Variants in RNF125 observed in about 807,000 individuals in gnomAD.
RNF125 encodes the protein ring finger protein 125, also known as E3 ubiquitin-protein ligase RNF125.
Under a neutral mutation model 26.0 loss-of-function variants are expected in RNF125, and 21 were observed. The observed-to-expected ratio is 0.81, with a 90% CI of 0.57 to 1.16. The LOEUF is 1.16. Among genes scored for constraint, RNF125 ranks in the 50% most tolerant of loss-of-function variants. The pLI, the probability that RNF125 is intolerant of heterozygous loss-of-function variation, is 0.00. For synonymous variants in RNF125, 95 were observed against 109.2 expected (o/e 0.87, Z 0.81); for missense variants, 270 against 299.4 (o/e 0.90, Z 0.72).
intron 1 of RNF125, among the ~76,000 whole-genome samples, 200 bp from the exon 2 acceptor site, chr18:32,036,916 G>T (rs1330816465): frequency 6.6e-6 from 1 of 152,074 alleles, no homozygotes; most frequent in Non-Finnish European, 1.5e-5. Flanking sequence ...CATGTGGTAA[G>T]AATGTGTGAT....
intron 3 of RNF125, among the ~76,000 whole-genome samples, chr18:32,043,739 A>T (rs1470915272): frequency 1.3e-5 from 2 of 152,330 alleles, no homozygotes; most frequent in East Asian, 3.9e-4. Flanking sequence ...AATTAAAATA[A>T]TAGAAAATGG....
the RNF125 span, among the ~76,000 whole-genome samples, chr18:32,088,533 C>T: frequency 1.2e-4 from 18 of 151,970 alleles, no homozygotes; most frequent in African/African-American, 4.1e-4. Context: ...GACAGAGTCC[C>T]GCTCTGTCAC....
chr18:32,030,155 T>C (rs1402288631), intron 1 of RNF125, among the ~76,000 whole-genome samples: 1 of 152,224 alleles, frequency 6.6e-6, no homozygotes, highest in Non-Finnish European at 1.5e-5. Context: ...GCGATTCTCC[T>C]GCCTCAGCCT....
intron 4 of RNF125, among the ~76,000 whole-genome samples, chr18:32,059,757 G>T (rs1457148284): frequency 6.6e-6 from 1 of 151,982 alleles, no homozygotes; most frequent in Non-Finnish European, 1.5e-5. Context: ...TGAGGTCTTA[G>T]ATTCAAGTTT....
At chr18:32,055,548 G>C (rs781217901) in intron 4 of RNF125, among the ~76,000 whole-genome samples, 27 of 152,106 alleles carry the variant, frequency 1.8e-4, no homozygotes, top group Non-Finnish European at 2.9e-4. Context: ...AACGCGGGAG[G>C]AACTACCACA....
chr18:32,087,035 C>A, the RNF125 span, among the ~76,000 whole-genome samples: 1 of 152,126 alleles, frequency 6.6e-6, no homozygotes, highest in Non-Finnish European at 1.5e-5. Context: ...AACTGAGTCA[C>A]ATACACACTC....
chr18:32,036,333 G>A (rs1324886918), intron 1 of RNF125, among the ~76,000 whole-genome samples: 1 of 151,558 alleles, frequency 6.6e-6, no homozygotes, highest in Non-Finnish European at 1.5e-5. Context: ...CCTACCTTTG[G>A]ACATGTATTA....
In RNF125 at chr18:32,069,783, CCTT is replaced by C. The variant is rs1164667588; in HGVS notation, c.*1403_*1405del. The stretch of plus-strand genomic sequence containing the variant: ...TCTCTTTTTTAATCTAGAAGTTCCT[CCTT>C]CTTTCCAGTTCCTTAAAATTTACCT... On this transcript the variant is annotated 3_prime_UTR_variant, in exon 6 of 6. Transcript: ENST00000217740. The C allele has an allele frequency of 8.5e-5, 13 of 152,164 alleles. No individual in the cohort carries two copies. Among genetic ancestry groups the C allele is most frequent in the African/African-American group, 2.2e-4 (9 of 41,434 alleles). 9.4% of individuals were successfully genotyped at this position (152,164 alleles called of 1,614,324 possible).
At chr18:32,062,104 T>G (rs920621057) in intron 4 of RNF125, among the ~76,000 whole-genome samples, 1 of 152,224 alleles carries the variant, frequency 6.6e-6, no homozygotes. Flanking sequence ...CTGTAAATAT[T>G]ACAGCTACTC....
At chr18:32,022,150 T>G (rs2038992231) in intron 1 of RNF125, among the ~76,000 whole-genome samples, 1 of 152,264 alleles carries the variant, frequency 6.6e-6, no homozygotes, top group Non-Finnish European at 1.5e-5. Flanking sequence ...CTGTATTTTA[T>G]TATCCCATAT....
chr18:32,050,491 A>G (rs1436723630), intron 4 of RNF125, among the ~76,000 whole-genome samples: 1 of 151,898 alleles, frequency 6.6e-6, no homozygotes, highest in African/African-American at 2.4e-5. Context: ...ATAATTCTTT[A>G]ATTATTATTT....
intron 1 of RNF125, among the ~76,000 whole-genome samples, chr18:32,022,664 T>C (rs1319139286): frequency 6.6e-6 from 1 of 152,192 alleles, no homozygotes; most frequent in Non-Finnish European, 1.5e-5. Flanking sequence ...TGAAACTTCA[T>C]AGATAGCAGC....
At chr18:32,042,644 G>A (rs952024831) in intron 3 of RNF125, among the ~76,000 whole-genome samples, 3 of 151,890 alleles carry the variant, frequency 2.0e-5, no homozygotes, top group African/African-American at 7.3e-5. Context: ...TGTCACCACT[G>A]CTCATTTCAC....
chr18:32,030,859 T>TTATTATTA (rs1299576469), intron 1 of RNF125, among the ~76,000 whole-genome samples: 2 of 152,118 alleles, frequency 1.3e-5, no homozygotes, highest in African/African-American at 4.8e-5. Flanking sequence ...GAGAGCTCGC[T>TTATTATTA]TATTATTTTA....
Position 32,041,620 on chromosome 18 carries a change from C to CTTTTTTTTTTTTTTTTTTTTTTTTTTTT in RNF125, c.319-558_319-531dup, listed in dbSNP as rs60264747. Among the ~76,000 whole-genome samples the CTTTTTTTTTTTTTTTTTTTTTTTTTTTT allele has an allele frequency of 2.1e-5, 2 of 93,280 alleles. 1 individual carries two copies. 61.2% of individuals were successfully genotyped at this position (93,280 alleles called of 152,430 possible). Reference sequence around the variant, plus strand: ...CTATCTACTTTAAAAAATGTAGATGCTTTTTTTTTTTTTTTTTTTTTTTTT... The same window carrying CTTTTTTTTTTTTTTTTTTTTTTTTTTTT: ...CTATCTACTTTAAAAAATGTAGATGCTTTTTTTTTTTTTTTTTTTTTTTTTTTTTTTTTTTTTTTTTTTTTTTTTTTTT... On this transcript the variant is annotated intron_variant, in intron 2 of 5. Coordinates refer to ENST00000217740, the MANE Select transcript of RNF125 (RefSeq NM_017831.4).
At chr18:32,063,994 T>C (rs1220644650) in intron 4 of RNF125, among the ~76,000 whole-genome samples, 1 of 148,958 alleles carries the variant, frequency 6.7e-6, no homozygotes, top group Non-Finnish European at 1.5e-5. Flanking sequence ...ATCCATCAAG[T>C]CCTTTTTTTT....
chr18:32,054,626 A>G (rs946298611), intron 4 of RNF125, among the ~76,000 whole-genome samples: 1 of 152,234 alleles, frequency 6.6e-6, no homozygotes, highest in Non-Finnish European at 1.5e-5. Flanking sequence ...CTGTGTATCA[A>G]CTATTCTTCT....
rs528744685 is a variant in RNF125 at position 32,069,426 on chromosome 18, C to T, written c.*1042C>T. The T allele has an allele frequency of 2.4e-4, 36 of 152,138 alleles. No homozygotes were observed. Among genetic ancestry groups the T allele is most frequent in the African/African-American group, 8.4e-4 (35 of 41,520 alleles). 9.4% of individuals were successfully genotyped at this position (152,138 alleles called of 1,614,324 possible). A position where few individuals can be genotyped will look rare whatever the true frequency, so the allele number is the denominator to read the frequency against. On this transcript the variant is annotated 3_prime_UTR_variant, in exon 6 of 6. Transcript: ENST00000217740. Reference sequence around the variant, plus strand: ...ATACTTACAGTATAAGTATTCACATCCAGACTTTTTAGTAGAAAACCCTAA... The same window carrying T: ...ATACTTACAGTATAAGTATTCACATTCAGACTTTTTAGTAGAAAACCCTAA...
the RNF125 span, among the ~76,000 whole-genome samples, chr18:32,079,600 G>A: frequency 1.3e-5 from 2 of 152,216 alleles, no homozygotes; most frequent in African/African-American, 4.8e-5. Context: ...ATGCATCTCT[G>A]TAGGCACTCC....
Sources: gnomAD v4.1 joint callset for allele counts (sites outside exome capture counted in the v4.1 genomes callset) on GRCh38, gnomAD v4.1.1 for gene constraint, MANE v1.5 for transcripts, NCBI Gene and HGNC (gene_info 2026-07-23, HGNC 2026-07-21) for gene names.